PHIP: variants seen among roughly 807,000 people sequenced by gnomAD.
PHIP encodes PH-interacting protein.
In PHIP, 54 loss-of-function variants were observed where a neutral mutation model predicts 236.8. That is an observed-to-expected ratio of 0.23 (90% CI 0.18 to 0.29). The LOEUF (loss-of-function observed/expected upper bound fraction) is 0.29. Among genes scored for constraint, PHIP ranks in the 10% least tolerant of loss-of-function variants. The probability of loss-of-function intolerance (pLI) is 1.00; values close to 1 mark genes in which losing one functional copy is unlikely to be tolerated. For missense variants in PHIP, 1,370 were observed against 2,190.8 expected, an observed-to-expected ratio of 0.63 and a Z score of 7.48; for synonymous variants, 756 against 718.9, an observed-to-expected ratio of 1.05 and a Z score of -0.83.
intron 21 of PHIP, among the ~76,000 whole-genome samples, chr6:78,985,668 C>T (rs956508533): frequency 2.6e-5 from 4 of 152,126 alleles, no homozygotes; most frequent in Non-Finnish European, 5.9e-5. Flanking sequence ...TGGCGACACC[C>T]TGTCTCTACT....
At chr6:79,077,367 T>C in intron 4 of PHIP, 81 bp downstream of exon 4, 1 of 1,302,820 alleles carries the variant, frequency 7.7e-7, no homozygotes, top group South Asian at 1.2e-5. Flanking sequence ...CAAGTTTTTG[T>C]CTCTGTAAAA....
Position 79,045,412 on chromosome 6 carries a change from CA to C in PHIP, c.440-2410del, listed in dbSNP as rs553684353. Among the ~76,000 whole-genome samples, 340 of 152,194 alleles carry C rather than the reference CA, an allele frequency of 2.2e-3. 1 individual carries two copies. Among genetic ancestry groups the C allele is most frequent in the Non-Finnish European group, 3.8e-3 (260 of 67,978 alleles). On this transcript the variant is annotated intron_variant, in intron 6 of 39. Transcript: ENST00000275034. The stretch of plus-strand genomic sequence containing the variant: ...CTAGGACTCACATTCGATGAACTCC[CA>C]TTTTTTTATAATACCATTTGGAAAA...
intron 19 of PHIP, among the ~76,000 whole-genome samples, chr6:78,997,208 C>A (rs1232296175): frequency 1.3e-5 from 2 of 152,116 alleles, no homozygotes; most frequent in South Asian, 2.1e-4. Flanking sequence ...GACCTTAACA[C>A]GTATCATTCT....
At chr6:79,042,347 A>G (rs1772264271) in intron 7 of PHIP, among the ~76,000 whole-genome samples, 1 of 152,094 alleles carries the variant, frequency 6.6e-6, no homozygotes. Flanking sequence ...ATAACAGGTA[A>G]TAAGAGTATT....
intron 14 of PHIP, 66 bp from the exon 15 acceptor site, chr6:79,015,282 A>G: frequency 8.0e-7 from 1 of 1,255,432 alleles, no homozygotes; most frequent in Non-Finnish European, 1.2e-6. Context: ...AAACATAATG[A>G]AATACCAATA....
intron 13 of PHIP, 25 bp downstream of exon 13, chr6:79,016,519 T>G: frequency 1.4e-6 from 2 of 1,429,146 alleles, no homozygotes; most frequent in Non-Finnish European, 2.0e-6. Context: ...AATATATACA[T>G]AATATTTCAA....
chr6:78,978,737 T>G, intron 23 of PHIP, 26 bp from the exon 24 acceptor site: 1 of 1,562,348 alleles, frequency 6.4e-7, no homozygotes, highest in Non-Finnish European at 8.8e-7. Flanking sequence ...TAATAATTGT[T>G]AAGTAATAAT....
Position 78,939,885 on chromosome 6 carries a change from AATAT to A in PHIP, c.*804_*807del, listed in dbSNP as rs1773400648. 6.6e-6 allele frequency: 1 copy of A among 152,518 alleles called. No homozygotes were observed. Among genetic ancestry groups the A allele is most frequent in the South Asian group, 2.1e-4 (1 of 4,834 alleles). The allele number at this position is 152,518 out of a possible 1,614,324, so 9.4% of individuals were successfully genotyped here. A position where few individuals can be genotyped will look rare whatever the true frequency, so the allele number is the denominator to read the frequency against. ...AACTCTTTAATAACTTGCTCTTTAG[AATAT>A]ATAGCCTTTCCAATATTGAAAAGTG... On this transcript the variant is annotated 3_prime_UTR_variant, in exon 40 of 40. Coordinates refer to ENST00000275034, the MANE Select transcript of PHIP (RefSeq NM_017934.7).
intron 35 of PHIP, among the ~76,000 whole-genome samples, chr6:78,952,814 T>C (rs752017448): frequency 6.6e-6 from 1 of 151,932 alleles, no homozygotes; most frequent in African/African-American, 2.4e-5. Flanking sequence ...TTTCATTTAT[T>C]CCTTTAACCA....
chr6:78,962,016 T>C lies in PHIP; in HGVS notation c.3536-206A>G, dbSNP rs60527133. Among the ~76,000 whole-genome samples the C allele has an allele frequency of 0.11, 16,137 of 152,110 alleles. 885 individuals are homozygous for C. Among genetic ancestry groups the C allele is most frequent in the Middle Eastern group, 0.19 (55 of 294 alleles). ...TTTACACTGCCAAATTCTAGGGGTA[T>C]TGTTTTATTCATAGGTTCACCGGGA... On this transcript the variant is annotated intron_variant, in intron 30 of 39. Coordinates refer to ENST00000275034, the MANE Select transcript of PHIP (RefSeq NM_017934.7).
In PHIP at chr6:79,017,382, T is replaced by C; in HGVS notation, c.1100A>G (p.Lys367Arg). ...GTTGGAAAACTGGATACTGTCAACT[T>C]TGTCCTATATATAAACAAATAAACA... ...KISELEFHTD[K>R]VDSIQFSNTS... is the part of the protein sequence containing the mutation. Residue 367 changes from lysine (K) to arginine (R), a missense_variant, in exon 12 of 40, where the codon AAA (lysine) becomes AGA (arginine). This residue lies in a region of PHIP where 188 missense variants were observed against 354.3 expected (regional missense o/e 0.53). Transcript: ENST00000275034. 1 of 1,578,274 alleles carries C rather than the reference T, an allele frequency of 6.3e-7. No individual in the cohort carries two copies. The highest frequency in any genetic ancestry group is 8.6e-7 in the Non-Finnish European group (1 of 1,157,134).
rs975606164 is a variant in PHIP, at chr6:78,958,491, G to C, written c.3766C>G (p.Leu1256Val). ...ATAACTTACTTTATAAAATGTAGAA[G>C]AAGATCAGTCACGAATTTAGCAGAT... is the stretch of plus-strand genomic sequence containing the variant. ...VKSAKFVTDL[L>V]LHFIKDQTCY... The change falls in exon 32 of 40, where the codon CTT becomes GTT. Residue 1256 changes from leucine to valine, a missense_variant. By Grantham distance (32) the Leu-to-Val change is conservative. Transcript: ENST00000275034. 11 of 1,535,018 alleles carry C rather than the reference G, an allele frequency of 7.2e-6. No individual in the cohort carries two copies. Among genetic ancestry groups the C allele is most frequent in the Admixed American group, 1.7e-5 (1 of 59,544 alleles).
At chr6:79,015,441 A>G (rs565442215) in intron 14 of PHIP, among the ~76,000 whole-genome samples, 189 bp downstream of exon 14, 51 of 151,912 alleles carry the variant, frequency 3.4e-4, no homozygotes, top group Non-Finnish European at 6.8e-4. Flanking sequence ...AACAGCAAAT[A>G]TCTACTATAT....
At chr6:79,038,955 T>C (rs1393890719) in intron 7 of PHIP, among the ~76,000 whole-genome samples, 3 of 152,198 alleles carry the variant, frequency 2.0e-5, no homozygotes, top group African/African-American at 7.2e-5. Flanking sequence ...ACTCCCTACA[T>C]ACAAATCAGT....
chr6:78,948,207 A>G (rs1402695918), intron 35 of PHIP, among the ~76,000 whole-genome samples: 1 of 152,228 alleles, frequency 6.6e-6, no homozygotes, highest in African/African-American at 2.4e-5. Flanking sequence ...GTATGCCAGC[A>G]TCCCATTTAT....
rs778036662 is a variant in PHIP, at chr6:79,002,130, A to G, written c.1654-6T>C. 1.5e-5 allele frequency: 24 copies of G among 1,591,516 alleles called. No individual in the cohort carries two copies. The highest frequency in any genetic ancestry group is 1.9e-5 in the Non-Finnish European group (22 of 1,161,256). On this transcript the variant is annotated splice_region_variant and splice_polypyrimidine_tract_variant and intron_variant, in intron 16 of 39. Coordinates refer to ENST00000275034, the MANE Select transcript of PHIP (RefSeq NM_017934.7). ...AAGAACATCTGATCTGCTATCTGCA[A>G]AAAGAAAAGTCCATAAAAGACTGGA...
At chr6:78,955,560 AT>A (rs1446963094) in intron 33 of PHIP, 52 bp downstream of exon 33, 6 of 651,384 alleles carry the variant, frequency 9.2e-6, no homozygotes, top group Non-Finnish European at 5.4e-6. Flanking sequence ...CAATATGTAA[AT>A]TTTTTTATAT....
chr6:78,981,997 A>C (rs967504275), intron 23 of PHIP, among the ~76,000 whole-genome samples: 10 of 151,986 alleles, frequency 6.6e-5, no homozygotes, highest in Non-Finnish European at 1.5e-4. Context: ...AACACTTAAA[A>C]CAGATATATT....
intron 4 of PHIP, among the ~76,000 whole-genome samples, chr6:79,061,104 G>C (rs1773350042): frequency 6.6e-6 from 1 of 152,030 alleles, no homozygotes; most frequent in South Asian, 2.1e-4. Context: ...ATAAAATAAA[G>C]CTACCCACTA....
Sources: allele counts gnomAD v4.1 joint callset (sites outside exome capture counted in the v4.1 genomes callset), GRCh38; gene constraint gnomAD v4.1.1; regional missense constraint gnomAD v4.1.1; transcripts MANE v1.5; gene names NCBI Gene and HGNC (gene_info 2026-07-23, HGNC 2026-07-21).